Variants in PTPRD observed in about 807,000 individuals in gnomAD.
PTPRD encodes protein tyrosine phosphatase receptor type D, also known as receptor-type tyrosine-protein phosphatase delta.
Under a neutral mutation model 214.5 loss-of-function variants are expected in PTPRD, and 34 were observed. The observed-to-expected ratio is 0.16, with a 90% CI of 0.12 to 0.21. The LOEUF (loss-of-function observed/expected upper bound fraction) is 0.21. PTPRD is among the 10% of genes least tolerant of loss of function. PTPRD has a pLI of 1.00. For missense variants in PTPRD, 2,545 were observed against 2,398.7 expected (o/e 1.06, Z -1.27); for synonymous variants, 1,128 against 845.7 (o/e 1.33, Z -5.79).
rs556050375 is a variant in PTPRD at position 10,087,200 on chromosome 9, G to C, written c.-544-53410C>G. Among the ~76,000 whole-genome samples, 48 of 150,470 alleles carry C rather than the reference G, an allele frequency of 3.2e-4. 2 individuals carry two copies. In the South Asian group the frequency reaches 9.1e-3, roughly 29 times the overall value. On this transcript the variant is annotated intron_variant, in intron 3 of 45. Coordinates refer to ENST00000381196, the MANE Select transcript of PTPRD (RefSeq NM_002839.4). ...ATGTATAATAAAGACTTCGCAAAAAGTTACACTTTTCTTAAACTAAACTTT... is the reference window on the plus strand; with the variant it reads ...ATGTATAATAAAGACTTCGCAAAAACTTACACTTTTCTTAAACTAAACTTT...
At chr9:9,409,908 A>G (rs1569568077) in intron 8 of PTPRD, among the ~76,000 whole-genome samples, 1 of 152,192 alleles carries the variant, frequency 6.6e-6, no homozygotes, top group Non-Finnish European at 1.5e-5. Context: ...CTAACATTGA[A>G]TCTAAATATT....
At chr9:8,600,402 G>T (rs566179864) in intron 14 of PTPRD, among the ~76,000 whole-genome samples, 3 of 152,116 alleles carry the variant, frequency 2.0e-5, no homozygotes, top group Non-Finnish European at 4.4e-5. Context: ...GACTGGAGGG[G>T]CATGTAACCT....
chr9:9,008,340 G>A (rs1349321536), intron 11 of PTPRD, among the ~76,000 whole-genome samples: 1 of 151,596 alleles, frequency 6.6e-6, no homozygotes, highest in Non-Finnish European at 1.5e-5. Context: ...TCACTCTCCT[G>A]CCTCAGCCTC....
At chr9:9,989,427 C>T (rs574336304) in intron 4 of PTPRD, among the ~76,000 whole-genome samples, 1 of 152,256 alleles carries the variant, frequency 6.6e-6, no homozygotes, top group African/African-American at 2.4e-5. Context: ...GAAGAAGCAG[C>T]TGGATGTTGG....
chr9:9,238,528 G>C (rs7864378), intron 9 of PTPRD, among the ~76,000 whole-genome samples: 1 of 152,064 alleles, frequency 6.6e-6, no homozygotes, highest in African/African-American at 2.4e-5. Flanking sequence ...GAAAATCATT[G>C]GTTAAGTTAG....
intron 4 of PTPRD, among the ~76,000 whole-genome samples, chr9:10,025,812 G>C (rs1374292269): frequency 6.6e-6 from 1 of 152,178 alleles, no homozygotes; most frequent in African/African-American, 2.4e-5. Context: ...AAGATTGAAA[G>C]ACTCTGAGGA....
chr9:10,052,809 T>C (rs1441617511), intron 3 of PTPRD, among the ~76,000 whole-genome samples: 1 of 152,158 alleles, frequency 6.6e-6, no homozygotes, highest in Non-Finnish European at 1.5e-5. Flanking sequence ...ACTCTACTCA[T>C]TCTTTCTTTT....
At chr9:10,097,445 G>C (rs2154209160) in intron 3 of PTPRD, among the ~76,000 whole-genome samples, 1 of 150,860 alleles carries the variant, frequency 6.6e-6, no homozygotes, top group African/African-American at 2.4e-5. Context: ...CCTTGAAGAG[G>C]TCCTTCACAT....
intron 10 of PTPRD, among the ~76,000 whole-genome samples, chr9:9,145,448 T>C (rs1265713102): frequency 3.5e-5 from 4 of 114,778 alleles, no homozygotes; most frequent in Non-Finnish European, 7.0e-5. Flanking sequence ...TTAGAATATA[T>C]ACTATGAGAT....
intron 11 of PTPRD, among the ~76,000 whole-genome samples, chr9:8,960,615 C>A (rs879845235): frequency 1.3e-5 from 2 of 152,042 alleles, no homozygotes; most frequent in Non-Finnish European, 1.5e-5. Context: ...GCTGCCCTAG[C>A]TCCATTTTAA....
intron 4 of PTPRD, among the ~76,000 whole-genome samples, chr9:9,970,300 A>G (rs917068086): frequency 6.6e-6 from 1 of 151,744 alleles, no homozygotes; most frequent in African/African-American, 2.4e-5. Context: ...AGTACAAAAC[A>G]TTAGCCGGGC....
chr9:9,863,862 A>T (rs1422547282), intron 5 of PTPRD, among the ~76,000 whole-genome samples: 1 of 151,904 alleles, frequency 6.6e-6, no homozygotes, highest in Non-Finnish European at 1.5e-5. Flanking sequence ...CAGTACAAAG[A>T]AATGGACCCA....
At chr9:9,646,052 G>A (rs1358034946) in intron 7 of PTPRD, among the ~76,000 whole-genome samples, 1 of 152,100 alleles carries the variant, frequency 6.6e-6, no homozygotes, top group Non-Finnish European at 1.5e-5. Context: ...TACAATTCAT[G>A]TTTATTTGTA....
intron 2 of PTPRD, among the ~76,000 whole-genome samples, chr9:10,442,760 T>C (rs113370441): frequency 6.6e-6 from 1 of 151,544 alleles, no homozygotes; most frequent in Non-Finnish European, 1.5e-5. Context: ...TTGTTAAATG[T>C]TGTCTATAAT....
At chr9:10,118,724 G>A (rs772333025) in intron 3 of PTPRD, among the ~76,000 whole-genome samples, 24 of 151,436 alleles carry the variant, frequency 1.6e-4, no homozygotes, top group Non-Finnish European at 1.6e-4. Flanking sequence ...GGAAAAATGT[G>A]CCCTAATCGT....
intron 3 of PTPRD, among the ~76,000 whole-genome samples, chr9:10,129,794 G>C (rs1372099033): frequency 2.6e-5 from 4 of 151,860 alleles, no homozygotes; most frequent in African/African-American, 9.7e-5. Context: ...TGCTAAATTG[G>C]CTGACTTTTG....
In PTPRD at chr9:9,300,673, T is replaced by C. The variant is rs189263048; in HGVS notation, c.-203+96776A>G. 3.3e-3 allele frequency among the ~76,000 whole-genome samples: 496 copies of C among 151,882 alleles called. 4 individuals are homozygous for C. Among genetic ancestry groups the C allele is most frequent in the Non-Finnish European group, 4.7e-3 (321 of 67,834 alleles). On this transcript the variant is annotated intron_variant, in intron 9 of 45. Coordinates refer to ENST00000381196, the MANE Select transcript of PTPRD (RefSeq NM_002839.4). ...TGTCTTCTGCTGTATGAGGATACAA[T>C]GAGAAGTCAGCCGTTGGATAGGTAG... is the stretch of plus-strand genomic sequence containing the variant.
chr9:9,209,055 G>A (rs1478998109), intron 9 of PTPRD, among the ~76,000 whole-genome samples: 5 of 151,918 alleles, frequency 3.3e-5, no homozygotes, highest in African/African-American at 7.3e-5. Context: ...TGATCGGCCC[G>A]CCTTGGCCTC....
At chr9:9,152,723 T>C (rs1410518379) in intron 10 of PTPRD, among the ~76,000 whole-genome samples, 1 of 152,162 alleles carries the variant, frequency 6.6e-6, no homozygotes, top group African/African-American at 2.4e-5. Flanking sequence ...AGTGGTTTCT[T>C]TTGGGCCTTG....
Sources: allele counts gnomAD v4.1 joint callset (sites outside exome capture counted in the v4.1 genomes callset), GRCh38; gene constraint gnomAD v4.1.1; transcripts MANE v1.5; gene names NCBI Gene and HGNC (gene_info 2026-07-23, HGNC 2026-07-21).